Variants in KLF17 observed in about 807,000 individuals in gnomAD.
KLF17 encodes the protein KLF transcription factor 17, also known as Krueppel-like factor 17.
In KLF17, 31 loss-of-function variants were observed where a neutral mutation model predicts 34.2. The ratio of observed to expected loss-of-function variants is 0.91; its 90% confidence interval spans 0.68 to 1.22. The LOEUF is 1.22. Ranked by LOEUF, KLF17 falls within the 50% of genes most tolerant of loss-of-function variation. The pLI is 0.00. For missense variants in KLF17, 478 were observed against 505.2 expected (o/e 0.95, Z 0.52); for synonymous variants, 179 against 186.7 (o/e 0.96, Z 0.34).
the KLF17 span, among the ~76,000 whole-genome samples, chr1:44,091,963 T>G: frequency 1.3e-5 from 1 of 74,712 alleles, no homozygotes; most frequent in African/African-American, 6.7e-5. Context: ...ACACACACAC[T>G]CTCTCTCTCT....
intron 1 of KLF17, among the ~76,000 whole-genome samples, chr1:44,127,788 CTTTCT>C (rs1258381863): frequency 8.0e-6 from 1 of 124,246 alleles, no homozygotes; most frequent in African/African-American, 3.0e-5. Flanking sequence ...CTTCTCTTTT[CTTTCT>C]TTTCTTATCT....
the KLF17 span, among the ~76,000 whole-genome samples, chr1:44,100,443 A>G: frequency 6.6e-6 from 1 of 152,110 alleles, no homozygotes; most frequent in Admixed American, 6.6e-5. Flanking sequence ...TATATTTTAT[A>G]AATTGAAACA....
intron 1 of KLF17, among the ~76,000 whole-genome samples, chr1:44,123,286 T>G (rs1199476273): frequency 6.6e-6 from 1 of 152,148 alleles, no homozygotes; most frequent in Non-Finnish European, 1.5e-5. Flanking sequence ...GGTCTCGAAC[T>G]CCTGGCCTCA....
the KLF17 span, chr1:44,061,317 C>T: frequency 6.6e-6 from 1 of 152,230 alleles, no homozygotes; most frequent in East Asian, 1.9e-4. Context: ...GACCTCCAAC[C>T]TTCTGTAGTC....
chr1:44,078,205 C>A, the KLF17 span, among the ~76,000 whole-genome samples: 1 of 152,166 alleles, frequency 6.6e-6, no homozygotes, highest in Non-Finnish European at 1.5e-5. Context: ...CTTCTGAAAG[C>A]TTTATGATTT....
the KLF17 span, among the ~76,000 whole-genome samples, chr1:44,084,240 C>G: frequency 1.3e-5 from 2 of 152,154 alleles, no homozygotes; most frequent in African/African-American, 4.8e-5. Context: ...TTTCTACTAT[C>G]CTCAGCTAAT....
In KLF17 at chr1:44,134,544, A is replaced by G. The variant is rs1169102305; in HGVS notation, c.*1307A>G. On this transcript the variant is annotated 3_prime_UTR_variant, in exon 4 of 4. Coordinates refer to ENST00000372299, the MANE Select transcript of KLF17 (RefSeq NM_173484.4). ...TCTATCTCAAAACAATCAAAACAAA[A>G]AAGACCTGTGGACTCTAGTAGATTT... 6.6e-6 allele frequency: 1 copy of G among 152,248 alleles called. No homozygotes were observed. Among genetic ancestry groups the G allele is most frequent in the Non-Finnish European group, 1.5e-5 (1 of 68,072 alleles). 9.4% of individuals were successfully genotyped at this position (152,248 alleles called of 1,614,324 possible).
chr1:44,060,966 C>A, the KLF17 span, among the ~76,000 whole-genome samples: 1 of 152,236 alleles, frequency 6.6e-6, no homozygotes, highest in Admixed American at 6.5e-5. Flanking sequence ...TAACTATAAT[C>A]AGGGCATTAA....
At chr1:44,096,821 CTT>C in the KLF17 span, among the ~76,000 whole-genome samples, 1 of 152,116 alleles carries the variant, frequency 6.6e-6, no homozygotes, top group Non-Finnish European at 1.5e-5. Flanking sequence ...TTCAGAAGCT[CTT>C]TAGTTTAATT....
chr1:44,122,788 A>C (rs933087910), intron 1 of KLF17, among the ~76,000 whole-genome samples: 1 of 152,046 alleles, frequency 6.6e-6, no homozygotes, highest in African/African-American at 2.4e-5. Flanking sequence ...TAGTAGAGAC[A>C]GGGTTTTGCC....
chr1:44,117,831 C>A (rs1484315497), upstream of KLF17, among the ~76,000 whole-genome samples: 1 of 152,134 alleles, frequency 6.6e-6, no homozygotes, highest in Non-Finnish European at 1.5e-5. Context: ...GTCTCTGCAC[C>A]CCTCTGGCCC....
the KLF17 span, among the ~76,000 whole-genome samples, chr1:44,107,822 C>T: frequency 6.6e-6 from 1 of 152,112 alleles, no homozygotes; most frequent in South Asian, 2.1e-4. Flanking sequence ...TAAACTCTTA[C>T]TGTGTGTAAT....
the KLF17 span, among the ~76,000 whole-genome samples, chr1:44,107,688 T>A: frequency 3.9e-5 from 6 of 152,204 alleles, no homozygotes; most frequent in Admixed American, 2.6e-4. Flanking sequence ...GGTTATCAGA[T>A]CAACTGTTGC....
chr1:44,081,871 A>G, the KLF17 span, among the ~76,000 whole-genome samples: 1 of 152,218 alleles, frequency 6.6e-6, no homozygotes, highest in Admixed American at 6.5e-5. Context: ...AATATATTTT[A>G]AAGAAGAGCT....
intron 1 of KLF17, among the ~76,000 whole-genome samples, chr1:44,119,586 G>A (rs191612092): frequency 1.5e-3 from 231 of 152,278 alleles, no homozygotes; most frequent in African/African-American, 5.2e-3. Flanking sequence ...TCAGGGGCGC[G>A]TGGGAGCAGA....
the KLF17 span, among the ~76,000 whole-genome samples, chr1:44,099,877 G>A: frequency 1.5e-4 from 8 of 54,692 alleles, no homozygotes; most frequent in African/African-American, 3.9e-4. Flanking sequence ...AAGAAAGAAA[G>A]AAAGAAAGAA....
the KLF17 span, among the ~76,000 whole-genome samples, chr1:44,068,175 T>A: frequency 6.6e-6 from 1 of 152,064 alleles, no homozygotes; most frequent in African/African-American, 2.4e-5. Context: ...CAGGTGCATG[T>A]CACCATGCCT....
chr1:44,070,567 C>T, the KLF17 span, among the ~76,000 whole-genome samples: 29 of 146,296 alleles, frequency 2.0e-4, no homozygotes, highest in African/African-American at 3.3e-4. Flanking sequence ...ACCCCACATT[C>T]TCACCTCTCC....
At chr1:44,127,674 C>CTTTCTTTCT (rs1557731927) in intron 1 of KLF17, among the ~76,000 whole-genome samples, 18 of 42,672 alleles carry the variant, frequency 4.2e-4, no homozygotes, top group African/African-American at 1.2e-3. Context: ...TTCTTTCTTT[C>CTTTCTTTCT]TTTCTTTCTT....
Sources: gnomAD v4.1 joint callset for allele counts (sites outside exome capture counted in the v4.1 genomes callset) on GRCh38, gnomAD v4.1.1 for gene constraint, MANE v1.5 for transcripts, NCBI Gene and HGNC (gene_info 2026-07-23, HGNC 2026-07-21) for gene names.